SHROOM3: variants seen among roughly 807,000 people sequenced by gnomAD.
SHROOM3 encodes the protein protein Shroom3.
A neutral mutation model predicts 138.6 loss-of-function variants in SHROOM3; 47 were observed. The ratio of observed to expected loss-of-function variants is 0.34; its 90% CI spans 0.27 to 0.43. The LOEUF (loss-of-function observed/expected upper bound fraction) is 0.43. Among genes scored for constraint, SHROOM3 ranks in the 20% least tolerant of loss-of-function variants. The pLI is 1.00. For missense variants in SHROOM3, 2,491 were observed against 2,596.5 expected, an observed-to-expected ratio of 0.96 and a Z score of 0.88; for synonymous variants, 1,062 against 1,063.3, an observed-to-expected ratio of 1.00 and a Z score of 0.02.
At chr4:76,595,625 G>C (rs548471550) in intron 2 of SHROOM3, among the ~76,000 whole-genome samples, 1 of 152,142 alleles carries the variant, frequency 6.6e-6, no homozygotes, top group East Asian at 1.9e-4. Context: ...CATTAGTTAG[G>C]CTTATGTCCT....
intron 1 of SHROOM3, among the ~76,000 whole-genome samples, chr4:76,540,358 C>A (rs1484639964): frequency 1.3e-5 from 2 of 152,252 alleles, no homozygotes; most frequent in Non-Finnish European, 1.5e-5. Flanking sequence ...TAATTGCCAC[C>A]CTTGTCCTAT....
chr4:76,665,374 T>A (rs894666119), intron 2 of SHROOM3, among the ~76,000 whole-genome samples: 1 of 152,074 alleles, frequency 6.6e-6, no homozygotes, highest in Non-Finnish European at 1.5e-5. Context: ...TTAATACCAG[T>A]TGAGGGTGGG....
At chr4:76,766,818 C>T (rs1722171854) in intron 9 of SHROOM3, among the ~76,000 whole-genome samples, 1 of 152,220 alleles carries the variant, frequency 6.6e-6, no homozygotes, top group Non-Finnish European at 1.5e-5. Flanking sequence ...AACTGAGGAA[C>T]ATTCAGCCAG....
intron 2 of SHROOM3, among the ~76,000 whole-genome samples, chr4:76,629,846 G>A (rs138205276): frequency 1.3e-5 from 2 of 152,282 alleles, no homozygotes; most frequent in African/African-American, 4.8e-5. Flanking sequence ...TACTAAAATT[G>A]GGTGCAGATG....
In SHROOM3 at chr4:76,754,336, CAAG is replaced by C. The variant is rs1213250964; in HGVS notation, c.3858_3860del (p.Glu1287del). 2 of 1,614,126 alleles carry C rather than the reference CAAG, an allele frequency of 1.2e-6. No individual in the cohort carries two copies. Among genetic ancestry groups the C allele is most frequent in the South Asian group, 2.2e-5 (2 of 91,054 alleles). On this transcript the variant is annotated inframe_deletion, in exon 7 of 11. Coordinates refer to ENST00000296043, the MANE Select transcript of SHROOM3 (RefSeq NM_020859.4). ...GTCACTCAGTTGTTCAGAAAGAGGCCAAGAAGAGATGCTGCCGCTCTTCCACCA... is the reference window on the plus strand; with the variant it reads ...GTCACTCAGTTGTTCAGAAAGAGGCCAAGAGATGCTGCCGCTCTTCCACCA...
chr4:76,741,638 C>T lies in SHROOM3; in HGVS notation c.3465C>T (p.Leu1155=). The T allele has an allele frequency of 1.9e-6, 3 of 1,544,386 alleles. No individual in the cohort carries two copies. Among genetic ancestry groups the T allele is most frequent in the Middle Eastern group, 1.7e-4 (1 of 5,992 alleles). Residue 1155 remains leucine (L), a synonymous_variant, in exon 5 of 11, where the codon CTC becomes CTT. Transcript: ENST00000296043. The surrounding 1 kb of genome is among the most constrained non-coding windows in gnomAD (Gnocchi z 6.2). ...TGCAGCCCCGCAGGGAGGCCACGCTCCTGCCGGCCACAGTTGCAGAAACCC... is the reference window on the plus strand; with the variant it reads ...TGCAGCCCCGCAGGGAGGCCACGCTTCTGCCGGCCACAGTTGCAGAAACCC... ...PSLQPRREAT[L]LPATVAETQQ...
intron 2 of SHROOM3, among the ~76,000 whole-genome samples, chr4:76,627,640 A>G (rs887066842): frequency 1.3e-5 from 2 of 151,438 alleles, no homozygotes; most frequent in Non-Finnish European, 2.9e-5. Context: ...AAAGGCATAC[A>G]TATTCCTCTG....
In SHROOM3 at chr4:76,739,437, T is replaced by C. The variant is rs747894530; in HGVS notation, c.1264T>C (p.Ser422Pro). Residue 422 changes from serine (S) to proline (P), a missense_variant, in exon 5 of 11, where the codon TCC (serine) becomes CCC (proline). Transcript: ENST00000296043. ...CCGGCCTCAGGCAAACTCTTTAGGC[T>C]CCCTGAAGTCTCCATTCATAGAGGA... The part of the protein sequence containing the change: ...LCRPQANSLG[S>P]LKSPFIEEQL... The C allele has an allele frequency of 9.3e-6, 15 of 1,614,138 alleles. No individual in the cohort carries two copies. The highest frequency in any genetic ancestry group is 1.3e-5 in the Non-Finnish European group (15 of 1,180,046).
chr4:76,492,262 G>T (rs369951337), intron 1 of SHROOM3, among the ~76,000 whole-genome samples: 10 of 152,298 alleles, frequency 6.6e-5, no homozygotes, highest in African/African-American at 2.4e-4. Flanking sequence ...TGCCAGGAAG[G>T]CATGTTTAGC....
intron 1 of SHROOM3, among the ~76,000 whole-genome samples, chr4:76,467,612 A>G (rs1449148140): frequency 6.6e-6 from 1 of 152,134 alleles, no homozygotes; most frequent in Non-Finnish European, 1.5e-5. Context: ...CTCCCTATGT[A>G]TTTTGCCAGT....
At position 76,735,854 on chromosome 4, in the gene SHROOM3, AAAAAAAAAAAAAAAATATATATATAT is replaced by A. The variant is rs1348039239; in HGVS notation, c.588-2905_588-2880del. On this transcript the variant is annotated intron_variant, in intron 4 of 10. Coordinates refer to ENST00000296043, the MANE Select transcript of SHROOM3 (RefSeq NM_020859.4). ...GACTCTATCTTAAAAAAAAAAAAAAAAAAAAAAAAAAAAAATATATATATATATATATATATATATATATATATATT... is the reference window on the plus strand; with the variant it reads ...GACTCTATCTTAAAAAAAAAAAAAAAATATATATATATATATATATATATT... Among the ~76,000 whole-genome samples, 205 of 56,692 alleles carry A rather than the reference AAAAAAAAAAAAAAAATATATATATAT, an allele frequency of 3.6e-3. 2 individuals carry two copies. Among genetic ancestry groups the A allele is most frequent in the African/African-American group, 9.7e-3 (147 of 15,082 alleles). 37.2% of individuals were successfully genotyped at this position (56,692 alleles called of 152,430 possible).
At chr4:76,558,649 A>G (rs935362857) in intron 2 of SHROOM3, among the ~76,000 whole-genome samples, 5 of 152,202 alleles carry the variant, frequency 3.3e-5, no homozygotes, top group Non-Finnish European at 5.9e-5. Flanking sequence ...AAGAAACTGA[A>G]GGATATAAAC....
chr4:76,724,410 CT>C (rs1720639812), intron 3 of SHROOM3, among the ~76,000 whole-genome samples: 1 of 151,854 alleles, frequency 6.6e-6, no homozygotes, highest in Non-Finnish European at 1.5e-5. Context: ...AGAAAGTCAG[CT>C]GTTTAACTGA....
intron 1 of SHROOM3, among the ~76,000 whole-genome samples, chr4:76,488,403 T>C (rs1459515692): frequency 6.6e-6 from 1 of 152,222 alleles, no homozygotes; most frequent in East Asian, 1.9e-4. Flanking sequence ...TAGTGGCATG[T>C]ATACTTGAGT....
At position 76,592,819 on chromosome 4, in the gene SHROOM3, C is replaced by A. The variant is rs1407430804; in HGVS notation, c.323+37056C>A. Among the ~76,000 whole-genome samples the A allele has an allele frequency of 1.3e-5, 2 of 152,164 alleles. 1 individual carries two copies. Among genetic ancestry groups the A allele is most frequent in the Non-Finnish European group, 2.9e-5 (2 of 68,042 alleles). Reference sequence around the variant, plus strand: ...TCTGATATCAATTCCCTTTTCTAGGCAGCAGGATTCGAGGTAGGGAGGAGC... The same window carrying A: ...TCTGATATCAATTCCCTTTTCTAGGAAGCAGGATTCGAGGTAGGGAGGAGC... On this transcript the variant is annotated intron_variant, in intron 2 of 10. Coordinates refer to ENST00000296043, the MANE Select transcript of SHROOM3 (RefSeq NM_020859.4).
chr4:76,673,032 T>C (rs1718934720), intron 2 of SHROOM3, among the ~76,000 whole-genome samples: 3 of 152,212 alleles, frequency 2.0e-5, no homozygotes, highest in Non-Finnish European at 4.4e-5. Flanking sequence ...GAAACACCCA[T>C]TTCAAAAATA....
chr4:76,559,885 C>T (rs1052030176), intron 2 of SHROOM3, among the ~76,000 whole-genome samples: 1 of 152,142 alleles, frequency 6.6e-6, no homozygotes, highest in Admixed American at 6.5e-5. Flanking sequence ...GGGAGGAGGG[C>T]GTGAAGGAGG....
At chr4:76,534,470 G>T (rs888664460) in intron 1 of SHROOM3, among the ~76,000 whole-genome samples, 1 of 152,098 alleles carries the variant, frequency 6.6e-6, no homozygotes, top group African/African-American at 2.4e-5. Flanking sequence ...GAGCTCCGTA[G>T]CACATCTGAT....
intron 2 of SHROOM3, among the ~76,000 whole-genome samples, chr4:76,648,400 G>A (rs1295646634): frequency 2.6e-5 from 4 of 152,176 alleles, no homozygotes; most frequent in African/African-American, 9.7e-5. Context: ...CAATCCCTGT[G>A]GTACCAAATA....
Sources: gnomAD v4.1 joint callset for allele counts (sites outside exome capture counted in the v4.1 genomes callset) on GRCh38, gnomAD v4.1.1 for gene constraint, Gnocchi (gnomAD v3.1) non-coding constraint, MANE v1.5 for transcripts, NCBI Gene and HGNC (gene_info 2026-07-23, HGNC 2026-07-21) for gene names.